The following CEP290 variants were observed in gnomAD, a reference collection of about 807,000 sequenced individuals.
The protein encoded by CEP290 is centrosomal protein 290, also known as centrosomal protein of 290 kDa.
In CEP290, 317 loss-of-function variants were observed where a neutral mutation model predicts 344.9. That is an observed-to-expected ratio of 0.92 (90% CI 0.84 to 1.01). CEP290 has a LOEUF of 1.01. Ranked by LOEUF, CEP290 falls within the 50% of genes least tolerant of loss-of-function variation. The pLI is 0.00. For synonymous variants in CEP290, 932 were observed against 895.8 expected (o/e 1.04, Z -0.72); for missense variants, 2,754 against 2,761.4 (o/e 1.00, Z 0.06).
At chr12:88,120,893 C>A in intron 14 of CEP290, 104 bp downstream of exon 14, 2 of 886,012 alleles carry the variant, frequency 2.3e-6, no homozygotes, top group East Asian at 2.7e-5. Flanking sequence ...TCAAAAGATA[C>A]TTATGGAATG....
rs1302069906 is a variant in CEP290 at position 88,124,534 on chromosome 12, A to AAT, written c.1189+710_1189+711dup. ...ATTTCTTCTTCATGTCATATATACA[A>AAT]ATATATATATATACACACACACATA... On this transcript the variant is annotated intron_variant, in intron 13 of 53. Coordinates refer to ENST00000552810, the MANE Select transcript of CEP290 (RefSeq NM_025114.4). Among the ~76,000 whole-genome samples, 62 of 151,750 alleles carry AAT rather than the reference A, an allele frequency of 4.1e-4. 1 individual carries two copies. In the East Asian group the frequency reaches 9.1e-3, roughly 22 times the overall value.
At chr12:88,093,742 T>C in intron 28 of CEP290, 28 bp downstream of exon 28, 1 of 1,494,272 alleles carries the variant, frequency 6.7e-7, no homozygotes, top group Non-Finnish European at 9.2e-7. Flanking sequence ...TATTCTATAA[T>C]TGTATGATAA....
At chr12:88,139,394 AATAT>A in intron 4 of CEP290, 97 bp downstream of exon 4, 1 of 638,648 alleles carries the variant, frequency 1.6e-6, no homozygotes, top group South Asian at 4.2e-5. Flanking sequence ...AAATAAACTG[AATAT>A]ATATATTTTA....
In CEP290 at chr12:88,129,689, CT is replaced by C; in HGVS notation, c.852+4del. The C allele has an allele frequency of 7.3e-7, 1 of 1,360,678 alleles. No homozygotes were observed. The highest frequency in any genetic ancestry group is 1.0e-6 in the Non-Finnish European group (1 of 1,001,228). 84.3% of individuals were successfully genotyped at this position (1,360,678 alleles called of 1,614,324 possible). The stretch of plus-strand genomic sequence containing the variant: ...TAAATAAGTTATTCTAAAAGTAATT[CT>C]TACTTGAAGTTGATAATGATCGTTT... On this transcript the variant is annotated splice_donor_region_variant and intron_variant, in intron 10 of 53. Transcript: ENST00000552810.
chr12:88,106,467 A>T (rs2038288055), intron 25 of CEP290, among the ~76,000 whole-genome samples: 1 of 152,176 alleles, frequency 6.6e-6, no homozygotes, highest in South Asian at 2.1e-4. Flanking sequence ...TTAAAGAAAA[A>T]AGCCTTTTTC....
chr12:88,126,993 A>C (rs1045418503), intron 11 of CEP290, among the ~76,000 whole-genome samples: 4 of 152,222 alleles, frequency 2.6e-5, no homozygotes, highest in Non-Finnish European at 5.9e-5. Flanking sequence ...AATATTCATA[A>C]AGAAGTCTAA....
intron 11 of CEP290, among the ~76,000 whole-genome samples, chr12:88,128,080 C>T (rs1033815406): frequency 2.0e-5 from 3 of 152,084 alleles, no homozygotes; most frequent in Non-Finnish European, 2.9e-5. Context: ...AAAATTTTAC[C>T]GGAAAACCAC....
At position 88,121,174 on chromosome 12, in the gene CEP290, G is replaced by GT. The variant is rs761136135; in HGVS notation, c.1190-9dup. On this transcript the variant is annotated splice_polypyrimidine_tract_variant and intron_variant, in intron 13 of 53. Transcript: ENST00000552810. ...GAGAAAGGGTTGAAGCACCTACAGA[G>GT]TAAAAACAAAAATCATGAATTGAAT... 6.2e-7 allele frequency: 1 copy of GT among 1,600,078 alleles called. No individual in the cohort carries two copies. The highest frequency in any genetic ancestry group is 1.7e-5 in the Admixed American group (1 of 57,620).
chr12:88,137,843 T>C (rs558080281), intron 5 of CEP290, among the ~76,000 whole-genome samples: 10 of 152,284 alleles, frequency 6.6e-5, no homozygotes, highest in Admixed American at 6.5e-4. Context: ...ATCATTCCTA[T>C]CATTCCTCCA....
At chr12:88,086,737 G>A (rs80078585) in intron 32 of CEP290, among the ~76,000 whole-genome samples, 6 of 14,038 alleles carry the variant, frequency 4.3e-4, no homozygotes, top group East Asian at 0.01. Context: ...CCATCCATCC[G>A]TTCAGCTATA....
intron 38 of CEP290, among the ~76,000 whole-genome samples, chr12:88,079,739 C>G (rs2036052097): frequency 6.6e-6 from 1 of 151,932 alleles, no homozygotes; most frequent in African/African-American, 2.4e-5. Flanking sequence ...ATACACTGAC[C>G]AACTCCTTCT....
intron 52 of CEP290, among the ~76,000 whole-genome samples, chr12:88,052,321 GCAAA>G (rs2033618600): frequency 6.6e-6 from 1 of 152,120 alleles, no homozygotes; most frequent in Non-Finnish European, 1.5e-5. Flanking sequence ...AAACTTGGAA[GCAAA>G]CTAAATATCC....
chr12:88,049,123 A>C lies in CEP290; in HGVS notation c.*61T>G. On this transcript the variant is annotated 3_prime_UTR_variant, in exon 54 of 54. Transcript: ENST00000552810. ...ACAGTTCGGAGAACTGCTTATTTCC[A>C]AGTATATTTAACTTATAAAGTTAAT... 1 of 975,298 alleles carries C rather than the reference A, an allele frequency of 1.0e-6. No individual in the cohort carries two copies. The highest frequency in any genetic ancestry group is 1.5e-6 in the Non-Finnish European group (1 of 648,940). The allele number at this position is 975,298 out of a possible 1,614,324, so 60.4% of individuals were successfully genotyped here.
intron 26 of CEP290, among the ~76,000 whole-genome samples, chr12:88,097,639 A>ACG (rs201214998): frequency 6.6e-6 from 1 of 150,870 alleles, no homozygotes; most frequent in African/African-American, 2.4e-5. Flanking sequence ...ACACACACAC[A>ACG]TATATACAAT....
Position 88,079,590 on chromosome 12 carries a change from G to A in CEP290, c.5227-361C>T, listed in dbSNP as rs892955817. 1.1e-4 allele frequency among the ~76,000 whole-genome samples: 17 copies of A among 151,962 alleles called. 1 individual carries two copies. The highest frequency in any genetic ancestry group is 4.1e-4 in the African/African-American group (17 of 41,474). On this transcript the variant is annotated intron_variant, in intron 38 of 53. Coordinates refer to ENST00000552810, the MANE Select transcript of CEP290 (RefSeq NM_025114.4). ...TCCATATGAAATTAATTGAATTTAG[G>A]TAGACAACAAAAGGACTAGGAAAGG...
chr12:88,069,716 A>G (rs1311613101), intron 43 of CEP290, among the ~76,000 whole-genome samples: 1 of 152,248 alleles, frequency 6.6e-6, no homozygotes, highest in African/African-American at 2.4e-5. Flanking sequence ...TCGTATGTTC[A>G]CATCACATTC....
At chr12:88,070,644 C>G (rs559915163) in intron 43 of CEP290, among the ~76,000 whole-genome samples, 2 of 151,426 alleles carry the variant, frequency 1.3e-5, no homozygotes, top group African/African-American at 4.8e-5. Flanking sequence ...TCGTTTTTTT[C>G]TTCCTCTTTC....
chr12:88,131,026 G>C, intron 7 of CEP290, 139 bp downstream of exon 7: 1 of 631,002 alleles, frequency 1.6e-6, no homozygotes, highest in East Asian at 3.4e-5. Context: ...CTGAGACAAA[G>C]TCATACCATA....
Position 88,105,366 on chromosome 12 carries a change from G to C in CEP290, c.2817+1309C>G, listed in dbSNP as rs1192846094. ...TGATACTTAAAAAAGAGAAAGCGGA[G>C]GGGACAAAAAAAGCAGGTAGTGCAG... On this transcript the variant is annotated intron_variant, in intron 25 of 53. Coordinates refer to ENST00000552810, the MANE Select transcript of CEP290 (RefSeq NM_025114.4). 2.6e-5 allele frequency among the ~76,000 whole-genome samples: 4 copies of C among 151,946 alleles called. No individual in the cohort carries two copies. In the East Asian group the frequency reaches 7.7e-4, roughly 29 times the overall value.
Sources: gnomAD v4.1 joint callset for allele counts (sites outside exome capture counted in the v4.1 genomes callset) on GRCh38, gnomAD v4.1.1 for gene constraint, MANE v1.5 for transcripts, NCBI Gene and HGNC (gene_info 2026-07-23, HGNC 2026-07-21) for gene names.